UBR2: variants seen among roughly 807,000 people sequenced by gnomAD.
UBR2 encodes ubiquitin protein ligase E3 component n-recognin 2.
A neutral mutation model predicts 247.9 loss-of-function variants in UBR2; 92 were observed. That is an observed-to-expected ratio of 0.37 (90% CI 0.31 to 0.44). The LOEUF (loss-of-function observed/expected upper bound fraction) is 0.44, where lower values mean the gene tolerates loss of function less well. UBR2 is among the 20% of genes least tolerant of loss of function. The pLI, the probability that UBR2 is intolerant of heterozygous loss-of-function variation, is 1.00. For synonymous variants in UBR2, 672 were observed against 693.5 expected (o/e 0.97, Z 0.49); for missense variants, 1,613 against 2,112.6 (o/e 0.76, Z 4.64).
chr6:42,612,639 C>G (rs763695752), intron 8 of UBR2, among the ~76,000 whole-genome samples: 1 of 152,114 alleles, frequency 6.6e-6, no homozygotes, highest in Non-Finnish European at 1.5e-5. Context: ...CAGAACTCTT[C>G]TACTGAGTAA....
At chr6:42,616,149 A>G (rs1794533145) in intron 10 of UBR2, 59 bp downstream of exon 10, 2 of 1,188,532 alleles carry the variant, frequency 1.7e-6, no homozygotes, top group Admixed American at 5.2e-5. Flanking sequence ...GCCCATAATT[A>G]TATCTAGGCT....
At chr6:42,599,765 T>A (rs1793240123) in intron 4 of UBR2, among the ~76,000 whole-genome samples, 2 of 152,034 alleles carry the variant, frequency 1.3e-5, no homozygotes, top group African/African-American at 4.8e-5. Flanking sequence ...TTTCTCCCCC[T>A]TCAGCCTCCC....
In UBR2 at chr6:42,659,679, T is replaced by G. The variant is rs775422200; in HGVS notation, c.3266T>G (p.Leu1089Arg). 4.7e-5 allele frequency: 76 copies of G among 1,613,866 alleles called. No individual in the cohort carries two copies. The South Asian group carries it at 7.9e-4, about 17-fold the overall frequency. Residue 1089 changes from leucine to arginine, a missense_variant, in exon 30 of 47, where the codon CTT becomes CGT. This residue lies in a region of UBR2 where 1,524 missense variants were observed against 1,967.3 expected (regional missense o/e 0.77). Transcript: ENST00000372901. The surrounding 1 kb of genome is among the most constrained non-coding windows in gnomAD (Gnocchi z 4.3). ...AGCCCTGTGGCTTCAGATATGACAC[T>G]TACAGCACTGGGCCCCGCACAAACT... ...DHSPVASDMT[L>R]TALGPAQTQV... is the part of the protein sequence containing the mutation.
chr6:42,655,961 T>C (rs757944722), intron 26 of UBR2, among the ~76,000 whole-genome samples: 26 of 152,124 alleles, frequency 1.7e-4, no homozygotes, highest in Non-Finnish European at 3.2e-4. Context: ...CGTAAGATTC[T>C]ACAGTATTGA....
At chr6:42,620,971 T>TTTTGTTTG (rs755703319) in intron 11 of UBR2, among the ~76,000 whole-genome samples, 2 of 151,172 alleles carry the variant, frequency 1.3e-5, no homozygotes, top group African/African-American at 4.9e-5. Flanking sequence ...TACCTGGCTA[T>TTTTGTTTG]TTTGTTTGTT....
At chr6:42,649,152 C>T (rs1247475482) in intron 22 of UBR2, among the ~76,000 whole-genome samples, 6 of 152,146 alleles carry the variant, frequency 3.9e-5, no homozygotes, top group African/African-American at 1.2e-4. Context: ...GGATTACAGG[C>T]GCCCGCCACC....
intron 1 of UBR2, among the ~76,000 whole-genome samples, chr6:42,569,964 C>T (rs1301409356): frequency 6.6e-6 from 1 of 152,194 alleles, no homozygotes; most frequent in Non-Finnish European, 1.5e-5. Flanking sequence ...ATGGGTGTGA[C>T]AGCTACAAGT....
At chr6:42,584,486 T>C (rs1656675196) in intron 2 of UBR2, among the ~76,000 whole-genome samples, 1 of 152,220 alleles carries the variant, frequency 6.6e-6, no homozygotes, top group Admixed American at 6.5e-5. Context: ...AAAGTTTGTT[T>C]TGTCTATTTC....
rs1191346229 is a variant in UBR2, at chr6:42,582,559, TCTC to T, written c.338+8570_338+8572del. Reference sequence around the variant, plus strand: ...CCTTTTTTCCAAAAGGATTTTATCTTCTCCTCTAGTAATGTACGAAAGTTCCTG... The same window carrying T: ...CCTTTTTTCCAAAAGGATTTTATCTTCTCTAGTAATGTACGAAAGTTCCTG... On this transcript the variant is annotated intron_variant, in intron 2 of 46. Coordinates refer to ENST00000372901, the MANE Select transcript of UBR2 (RefSeq NM_001363705.2). 3.9e-5 allele frequency among the ~76,000 whole-genome samples: 6 copies of T among 152,300 alleles called. No individual in the cohort carries two copies. In the South Asian group the frequency reaches 1.2e-3, roughly 32 times the overall value.
At chr6:42,564,755 GT>G (rs1296495426) in intron 1 of UBR2, among the ~76,000 whole-genome samples, 1 of 152,150 alleles carries the variant, frequency 6.6e-6, no homozygotes, top group Non-Finnish European at 1.5e-5. Context: ...CGCTTCTTGT[GT>G]TTTTGGTATA....
At chr6:42,590,780 TAAAG>T (rs762514895) in intron 2 of UBR2, among the ~76,000 whole-genome samples, 67 of 152,342 alleles carry the variant, frequency 4.4e-4, no homozygotes, top group Middle Eastern at 6.8e-3. Flanking sequence ...CAGGAAGTGA[TAAAG>T]AAGATAAAAA....
chr6:42,630,353 T>A (rs1795637014), intron 11 of UBR2, among the ~76,000 whole-genome samples: 1 of 151,714 alleles, frequency 6.6e-6, no homozygotes, highest in African/African-American at 2.4e-5. Flanking sequence ...CCCAGCTAAT[T>A]TTTGTGTTTT....
At chr6:42,663,692 A>G (rs1310928410) in intron 32 of UBR2, among the ~76,000 whole-genome samples, 1 of 152,180 alleles carries the variant, frequency 6.6e-6, no homozygotes, top group African/African-American at 2.4e-5. Context: ...CCTACTTTTA[A>G]TATCTTCCAT....
chr6:42,617,677 A>C (rs73440659), intron 11 of UBR2, among the ~76,000 whole-genome samples, 170 bp downstream of exon 11: 2,867 of 152,302 alleles, frequency 0.019, 79 homozygotes, highest in African/African-American at 0.067. Context: ...TTGAATATCA[A>C]AGTCATCTGG....
At chr6:42,628,538 A>G (rs1479407710) in intron 11 of UBR2, among the ~76,000 whole-genome samples, 1 of 152,102 alleles carries the variant, frequency 6.6e-6, no homozygotes, top group Non-Finnish European at 1.5e-5. Context: ...CCTGGCCAAC[A>G]TGGTGAAACC....
Position 42,693,087 on chromosome 6 carries a change from C to A in UBR2, c.*1914C>A, listed in dbSNP as rs896063784. 1 of 152,100 alleles carries A rather than the reference C, an allele frequency of 6.6e-6. No homozygotes were observed. Among genetic ancestry groups the A allele is most frequent in the African/African-American group, 2.4e-5 (1 of 41,424 alleles). 9.4% of individuals were successfully genotyped at this position (152,100 alleles called of 1,614,324 possible). On this transcript the variant is annotated 3_prime_UTR_variant, in exon 47 of 47. Coordinates refer to ENST00000372901, the MANE Select transcript of UBR2 (RefSeq NM_001363705.2). Reference sequence around the variant, plus strand: ...TAATAAGACCAGGTTTCTCTCTGTACAAGTGGATTATAAACATTTTCACCA... The same window carrying A: ...TAATAAGACCAGGTTTCTCTCTGTAAAAGTGGATTATAAACATTTTCACCA...
chr6:42,674,156 T>C lies in UBR2; in HGVS notation c.4214T>C (p.Leu1405Pro). 1.2e-6 allele frequency: 2 copies of C among 1,614,002 alleles called. No homozygotes were observed. Among genetic ancestry groups the C allele is most frequent in the Non-Finnish European group, 1.7e-6 (2 of 1,179,990 alleles). ...SLVPNDSHEELPCILDIDMFH... is the reference protein window; with the variant it reads ...SLVPNDSHEEPPCILDIDMFH... ...GTGCCTAATGACAGCCATGAGGAACTTCCATGCATATTAGATATTGACATG... is the reference window on the plus strand; with the variant it reads ...GTGCCTAATGACAGCCATGAGGAACCTCCATGCATATTAGATATTGACATG... Residue 1405 changes from leucine to proline, a missense_variant, in exon 38 of 47, where the codon CTT becomes CCT. Physicochemically the swap from Leu to Pro is moderately conservative, Grantham distance 98 (BLOSUM62 -3). Coordinates refer to ENST00000372901, the MANE Select transcript of UBR2 (RefSeq NM_001363705.2).
Position 42,598,768 on chromosome 6 carries a change from A to G in UBR2, c.531+4464A>G, listed in dbSNP as rs1793167593. Among the ~76,000 whole-genome samples, 2 of 152,136 alleles carry G rather than the reference A, an allele frequency of 1.3e-5. 1 individual carries two copies. The highest frequency in any genetic ancestry group is 1.3e-4 in the Admixed American group (2 of 15,276). On this transcript the variant is annotated intron_variant, in intron 4 of 46. Coordinates refer to ENST00000372901, the MANE Select transcript of UBR2 (RefSeq NM_001363705.2). ...TGTTTCCTTTTGTTGAGACTTTTGG[A>G]AAAAGAGCCAGATGGTTGGAAACAG...
At chr6:42,603,089 G>A (rs1793491133) in intron 4 of UBR2, among the ~76,000 whole-genome samples, 1 of 152,144 alleles carries the variant, frequency 6.6e-6, no homozygotes, top group African/African-American at 2.4e-5. Context: ...AGAGAAAGTA[G>A]ACAAGAGAGT....
Sources: allele counts gnomAD v4.1 joint callset (sites outside exome capture counted in the v4.1 genomes callset), GRCh38; gene constraint gnomAD v4.1.1; regional missense constraint gnomAD v4.1.1; non-coding constraint Gnocchi (gnomAD v3.1); transcripts MANE v1.5; gene names NCBI Gene and HGNC (gene_info 2026-07-23, HGNC 2026-07-21).